Variants in PRKD1 observed in about 807,000 individuals in gnomAD.
PRKD1 encodes protein kinase D1, also known as serine/threonine-protein kinase D1.
In PRKD1, 63 loss-of-function variants were observed where a neutral mutation model predicts 95.9. The observed-to-expected ratio is 0.66, with a 90% CI of 0.54 to 0.81. The LOEUF (loss-of-function observed/expected upper bound fraction) is 0.81. PRKD1 is among the 30% of genes least tolerant of loss of function. The pLI, the probability that PRKD1 is intolerant of heterozygous loss-of-function variation, is 0.00. For synonymous variants in PRKD1, 425 were observed against 423.1 expected, an observed-to-expected ratio of 1.00 and a Z score of -0.05; for missense variants, 1,048 against 1,165.3, an observed-to-expected ratio of 0.90 and a Z score of 1.47.
chr14:29,722,480 T>A (rs1885945352), intron 2 of PRKD1, among the ~76,000 whole-genome samples: 1 of 152,230 alleles, frequency 6.6e-6, no homozygotes, highest in African/African-American at 2.4e-5. Flanking sequence ...TGAAGTTCAG[T>A]TTATTTCTGA....
Position 29,863,203 on chromosome 14 carries a change from C to T in PRKD1, c.264+64046G>A, listed in dbSNP as rs1892768225. On this transcript the variant is annotated intron_variant, in intron 1 of 17. Transcript: ENST00000331968. ...CAAAAATTAAACAGCTTATTTATTT[C>T]ACATTACAGACATTTAGGTAGGTCC... 2.0e-5 allele frequency among the ~76,000 whole-genome samples: 3 copies of T among 152,118 alleles called. No homozygotes were observed. The South Asian group carries it at 6.2e-4, about 32-fold the overall frequency.
intron 2 of PRKD1, among the ~76,000 whole-genome samples, chr14:29,720,269 T>G (rs1280257456): frequency 6.6e-6 from 1 of 152,142 alleles, no homozygotes; most frequent in Non-Finnish European, 1.5e-5. Context: ...TGAGGAAACG[T>G]GGGCACAGAA....
chr14:29,584,328 A>G (rs554290109), intron 16 of PRKD1, among the ~76,000 whole-genome samples: 1 of 152,316 alleles, frequency 6.6e-6, no homozygotes, highest in Admixed American at 6.5e-5. Context: ...TGTTGTGGCT[A>G]AACTGAAAGG....
chr14:29,606,208 T>G (rs565372956), intron 13 of PRKD1, among the ~76,000 whole-genome samples: 1 of 152,290 alleles, frequency 6.6e-6, no homozygotes, highest in East Asian at 1.9e-4. Flanking sequence ...AAACGGGGTT[T>G]CACCATGTTA....
At chr14:29,632,634 A>G (rs1051182503) in intron 9 of PRKD1, among the ~76,000 whole-genome samples, 1 of 151,374 alleles carries the variant, frequency 6.6e-6, no homozygotes, top group African/African-American at 2.5e-5. Context: ...CTCTCCCATC[A>G]TCCCATGGTA....
Position 29,578,325 on chromosome 14 carries a change from T to C in PRKD1, c.2470A>G (p.Met824Val). 6.2e-7 allele frequency: 1 copy of C among 1,611,026 alleles called. No individual in the cohort carries two copies. Among genetic ancestry groups the C allele is most frequent in the Non-Finnish European group, 8.5e-7 (1 of 1,178,716 alleles). The change falls in exon 17 of 18, where the codon ATG (methionine) becomes GTG (valine). Residue 824 changes from methionine (M) to valine (V), a missense_variant. Around this residue, in one of 3 missense-constraint regions of PRKD1, gnomAD observed 739 missense variants for 861.9 expected, o/e 0.86. Transcript: ENST00000331968. ...DLINNLLQVK[M>V]RKRYSVDKTL... ...TTATCCACACTGTAGCGCTTTCTCA[T>C]TTTTACTTGCAGCAAATTGTTGATA...
chr14:29,784,701 C>T (rs1230432945), intron 1 of PRKD1, among the ~76,000 whole-genome samples: 1 of 152,144 alleles, frequency 6.6e-6, no homozygotes, highest in African/African-American at 2.4e-5. Flanking sequence ...TCTGAGGGTT[C>T]ACGGTTCAGC....
rs147308040 is a variant in PRKD1, at chr14:29,676,177, G to GTTTTTTTTTTTT, written c.404-9970_404-9969insAAAAAAAAAAAA. The stretch of plus-strand genomic sequence containing the variant: ...GCTGTAGGCATGCATAGTTCATTAC[G>GTTTTTTTTTTTT]TTTTTGTTTTTTTTTTTTTTTTTTT... On this transcript the variant is annotated intron_variant, in intron 2 of 17. Coordinates refer to ENST00000331968, the MANE Select transcript of PRKD1 (RefSeq NM_002742.3). 3.6e-3 allele frequency among the ~76,000 whole-genome samples: 381 copies of GTTTTTTTTTTTT among 104,584 alleles called. 20 individuals carry two copies. The highest frequency in any genetic ancestry group is 6.7e-3 in the South Asian group (19 of 2,830). The allele number at this position is 104,584 out of a possible 152,430, so 68.6% of individuals were successfully genotyped here. A position where few individuals can be genotyped will look rare whatever the true frequency, so the allele number is the denominator to read the frequency against.
At chr14:29,640,117 C>A (rs1161649566) in intron 4 of PRKD1, among the ~76,000 whole-genome samples, 1 of 152,040 alleles carries the variant, frequency 6.6e-6, no homozygotes, top group African/African-American at 2.4e-5. Flanking sequence ...GTATTAGGTG[C>A]CTTAAAAGAC....
chr14:29,646,320 A>G (rs1185120768), intron 4 of PRKD1, among the ~76,000 whole-genome samples: 3 of 152,142 alleles, frequency 2.0e-5, no homozygotes, highest in Non-Finnish European at 4.4e-5. Flanking sequence ...AGTATTTGCT[A>G]TCACAACAGG....
At chr14:29,856,896 T>C (rs184865675) in intron 1 of PRKD1, among the ~76,000 whole-genome samples, 37 of 152,272 alleles carry the variant, frequency 2.4e-4, no homozygotes, top group Admixed American at 1.6e-3. Flanking sequence ...GATCCTGAGT[T>C]AAAACAGCTC....
chr14:29,838,785 C>T (rs1891713229), intron 1 of PRKD1, among the ~76,000 whole-genome samples: 1 of 152,110 alleles, frequency 6.6e-6, no homozygotes, highest in Non-Finnish European at 1.5e-5. Flanking sequence ...CCAAACTAAA[C>T]TCATACTAAC....
At chr14:29,610,340 T>TA (rs1167207270) in intron 13 of PRKD1, among the ~76,000 whole-genome samples, 1 of 151,824 alleles carries the variant, frequency 6.6e-6, no homozygotes, top group African/African-American at 2.4e-5. Flanking sequence ...ACAGCCAGAT[T>TA]AAAAAAATGG....
intron 1 of PRKD1, among the ~76,000 whole-genome samples, chr14:29,779,711 C>A (rs1375072736): frequency 6.6e-6 from 1 of 152,110 alleles, no homozygotes; most frequent in Admixed American, 6.6e-5. Flanking sequence ...GGCCATACTG[C>A]CCAAGGTAAT....
chr14:29,778,249 A>T (rs1273270226), intron 1 of PRKD1, among the ~76,000 whole-genome samples: 1 of 152,218 alleles, frequency 6.6e-6, no homozygotes, highest in Non-Finnish European at 1.5e-5. Flanking sequence ...GAGCAAACAC[A>T]TTCAAAAGCT....
chr14:29,818,625 A>AG (rs1890788118), intron 1 of PRKD1, among the ~76,000 whole-genome samples: 1 of 151,812 alleles, frequency 6.6e-6, no homozygotes, highest in Non-Finnish European at 1.5e-5. Context: ...TGAAAAAAAA[A>AG]AAAAAGAAAA....
At chr14:29,630,379 T>TTCCCC (rs1409188477) in intron 10 of PRKD1, among the ~76,000 whole-genome samples, 1 of 152,094 alleles carries the variant, frequency 6.6e-6, no homozygotes, top group Admixed American at 6.6e-5. Context: ...GCTCAAGTCC[T>TTCCCC]CCACCTACCT....
intron 1 of PRKD1, among the ~76,000 whole-genome samples, chr14:29,779,777 G>GA (rs903910836): frequency 6.6e-6 from 1 of 152,148 alleles, no homozygotes; most frequent in African/African-American, 2.4e-5. Context: ...CACAGAATTG[G>GA]AAAAAACTAC....
chr14:29,636,372 T>C lies in PRKD1; in HGVS notation c.1108A>G (p.Met370Val). ...MEEAMVQDAE[M>V]AMAECQNDSG... is the part of the protein sequence containing the mutation. ...TCGTTCTGGCACTCTGCCATTGCCA[T>C]CTCTGCATCTTGGACCATTGCTTCT... is the stretch of plus-strand genomic sequence containing the variant. The change falls in exon 7 of 18, where the codon ATG becomes GTG. Residue 370 changes from methionine to valine, a missense_variant. Met to Val is a conservative substitution (Grantham distance 21). Transcript: ENST00000331968. 2 of 1,614,218 alleles carry C rather than the reference T, an allele frequency of 1.2e-6. No individual in the cohort carries two copies. Among genetic ancestry groups the C allele is most frequent in the Non-Finnish European group, 1.7e-6 (2 of 1,180,042 alleles).
Sources: allele counts gnomAD v4.1 joint callset (sites outside exome capture counted in the v4.1 genomes callset), GRCh38; gene constraint gnomAD v4.1.1; regional missense constraint gnomAD v4.1.1; transcripts MANE v1.5; gene names NCBI Gene and HGNC (gene_info 2026-07-23, HGNC 2026-07-21).